LUC7L2: variants seen among roughly 807,000 people sequenced by gnomAD.
The protein encoded by LUC7L2 is LUC7 like 2, pre-mRNA splicing factor, also known as putative RNA-binding protein Luc7-like 2.
In LUC7L2, 25 loss-of-function variants were observed where a neutral mutation model predicts 52.8. That is an observed-to-expected ratio of 0.47 (90% CI 0.34 to 0.66). The LOEUF (loss-of-function observed/expected upper bound fraction) is 0.66, where lower values mean the gene tolerates loss of function less well. Among genes scored for constraint, LUC7L2 ranks in the 30% least tolerant of loss-of-function variants. The pLI, the probability that LUC7L2 is intolerant of heterozygous loss-of-function variation, is 0.01. For missense variants in LUC7L2, 328 were observed against 497.8 expected (o/e 0.66, Z 3.25); for synonymous variants, 144 against 160.9 (o/e 0.89, Z 0.80).
At chr7:139,340,958 C>T (rs947770838) in intron 1 of LUC7L2, among the ~76,000 whole-genome samples, 2 of 152,080 alleles carry the variant, frequency 1.3e-5, no homozygotes, top group Admixed American at 6.6e-5. Flanking sequence ...GGGGAGACGT[C>T]AATACGTTGA....
chr7:139,382,006 T>C (rs1196156813), intron 2 of LUC7L2, among the ~76,000 whole-genome samples: 1 of 148,562 alleles, frequency 6.7e-6, no homozygotes, highest in Non-Finnish European at 1.5e-5. Context: ...TGCCTCAGCC[T>C]CCCGAGCAGC....
At chr7:139,344,749 CTG>C (rs1419909110) in intron 1 of LUC7L2, 1 of 133,670 alleles carries the variant, frequency 7.5e-6, no homozygotes, top group African/African-American at 2.8e-5. Context: ...GTTACCCAGA[CTG>C]GAGTGCAGTG....
At chr7:139,364,684 A>G (rs1800059783) in intron 1 of LUC7L2, among the ~76,000 whole-genome samples, 1 of 152,258 alleles carries the variant, frequency 6.6e-6, no homozygotes, top group South Asian at 2.1e-4. Flanking sequence ...TAAGGTTAGT[A>G]GTACATAACC....
At chr7:139,399,370 A>T (rs1294445958) in intron 3 of LUC7L2, among the ~76,000 whole-genome samples, 1 of 147,262 alleles carries the variant, frequency 6.8e-6, no homozygotes, top group African/African-American at 2.5e-5. Flanking sequence ...ACGTGCATTC[A>T]TGGATTTTGG....
At chr7:139,357,718 G>T (rs1009382229), upstream of LUC7L2, among the ~76,000 whole-genome samples, 1 of 149,446 alleles carries the variant, frequency 6.7e-6, no homozygotes, top group Non-Finnish European at 1.5e-5. Context: ...TTTTGAGATG[G>T]AGTCTCACAC....
chr7:139,343,046 A>T (rs1186697725), intron 1 of LUC7L2, among the ~76,000 whole-genome samples: 1 of 152,164 alleles, frequency 6.6e-6, no homozygotes, highest in African/African-American at 2.4e-5. Flanking sequence ...GTTCTATTTC[A>T]TTTGATCTCT....
chr7:139,409,669 G>A lies in LUC7L2; in HGVS notation c.779+15G>A, dbSNP rs754471383. On this transcript the variant is annotated intron_variant, in intron 7 of 9. Coordinates refer to ENST00000354926, the MANE Select transcript of LUC7L2 (RefSeq NM_016019.5). Reference sequence around the variant, plus strand: ...AAGCTGAGGAGGTATGGAGTAATGGGCCAAGTAATTGAAGTTGAATCTCTG... The same window carrying A: ...AAGCTGAGGAGGTATGGAGTAATGGACCAAGTAATTGAAGTTGAATCTCTG... 2.2e-5 allele frequency: 34 copies of A among 1,579,528 alleles called. No individual in the cohort carries two copies. The highest frequency in any genetic ancestry group is 5.8e-5 in the Admixed American group (3 of 52,146).
Position 139,412,534 on chromosome 7 carries a change from ATATT to A in LUC7L2, c.780-15_780-12del. On this transcript the variant is annotated splice_polypyrimidine_tract_variant and intron_variant, in intron 7 of 9. Coordinates refer to ENST00000354926, the MANE Select transcript of LUC7L2 (RefSeq NM_016019.5). The stretch of plus-strand genomic sequence containing the variant: ...TTTATAGCCACTTTTCTAAAAATAC[ATATT>A]TTTTTTTTTTAGGTCCCGATCACAC... The A allele has an allele frequency of 6.5e-7, 1 of 1,549,522 alleles. No individual in the cohort carries two copies. Among genetic ancestry groups the A allele is most frequent in the South Asian group, 1.2e-5 (1 of 86,160 alleles).
At chr7:139,416,702 A>G (rs1459737158) in intron 8 of LUC7L2, 1 of 152,030 alleles carries the variant, frequency 6.6e-6, no homozygotes, top group African/African-American at 2.4e-5. Flanking sequence ...CCTGGCCCTT[A>G]CTCTGTTTTG....
chr7:139,423,190 G>T lies in LUC7L2; in HGVS notation c.*850G>T, dbSNP rs1011982634. 1.8e-5 allele frequency: 7 copies of T among 398,864 alleles called. No individual in the cohort carries two copies. Among genetic ancestry groups the T allele is most frequent in the African/African-American group, 1.4e-4 (7 of 48,610 alleles). The allele number at this position is 398,864 out of a possible 1,614,324, so 24.7% of individuals were successfully genotyped here. On this transcript the variant is annotated 3_prime_UTR_variant, in exon 10 of 10. Transcript: ENST00000354926. ...TAAACTGTAACTTGTCTAGTAAATTGTCACTAGAACTATTTGCTGTGGGCA... is the reference window on the plus strand; with the variant it reads ...TAAACTGTAACTTGTCTAGTAAATTTTCACTAGAACTATTTGCTGTGGGCA...
At chr7:139,373,700 A>AT (rs35970581) in intron 1 of LUC7L2, among the ~76,000 whole-genome samples, 57,188 of 152,096 alleles carry the variant, frequency 0.38, 15,376 homozygotes, top group African/African-American at 0.77. Context: ...TCAGGGCACA[A>AT]TAACTTAATA....
At chr7:139,412,239 AAAAAACAG>A (rs1795392403) in intron 7 of LUC7L2, among the ~76,000 whole-genome samples, 1 of 150,962 alleles carries the variant, frequency 6.6e-6, no homozygotes, top group African/African-American at 2.5e-5. Flanking sequence ...AAACAAAAAC[AAAAAACAG>A]AAAAAATCCG....
intron 7 of LUC7L2, among the ~76,000 whole-genome samples, chr7:139,410,137 G>T (rs186151341): frequency 6.6e-6 from 1 of 152,026 alleles, no homozygotes; most frequent in East Asian, 1.9e-4. Context: ...AACCTGGGGG[G>T]GCAGAGCCTG....
At chr7:139,392,604 A>G (rs1216731275) in intron 2 of LUC7L2, 1 of 191,816 alleles carries the variant, frequency 5.2e-6, no homozygotes, top group African/African-American at 2.4e-5. Flanking sequence ...TTAGATGTAA[A>G]AATATTAAAA....
At chr7:139,350,218 T>C (rs1238774783) in intron 1 of LUC7L2, among the ~76,000 whole-genome samples, 1 of 151,926 alleles carries the variant, frequency 6.6e-6, no homozygotes, top group East Asian at 1.9e-4. Flanking sequence ...GCCTCCCGGG[T>C]TCACGCCATT....
At chr7:139,410,205 C>CAA (rs530744677) in intron 7 of LUC7L2, among the ~76,000 whole-genome samples, 19 of 129,494 alleles carry the variant, frequency 1.5e-4, no homozygotes, top group Admixed American at 1.0e-3. Context: ...GACTCTGTCT[C>CAA]AAAAAAAAAA....
At chr7:139,402,846 T>C (rs777490291) in intron 4 of LUC7L2, among the ~76,000 whole-genome samples, 6 of 152,172 alleles carry the variant, frequency 3.9e-5, no homozygotes, top group Non-Finnish European at 7.3e-5. Context: ...TTTAATCACA[T>C]GTGTAATTAC....
intron 1 of LUC7L2, among the ~76,000 whole-genome samples, chr7:139,367,470 AATT>A (rs1199480735): frequency 6.6e-6 from 1 of 152,194 alleles, no homozygotes; most frequent in Admixed American, 6.5e-5. Context: ...GAAGTTGTTA[AATT>A]TATTAAACAA....
chr7:139,407,371 T>A, intron 6 of LUC7L2, 21 bp downstream of exon 6: 1 of 1,597,506 alleles, frequency 6.3e-7, no homozygotes, highest in Non-Finnish European at 8.5e-7. Context: ...AAAATATTCC[T>A]CACTTTATCC....
Sources: allele counts gnomAD v4.1 joint callset (sites outside exome capture counted in the v4.1 genomes callset), GRCh38; gene constraint gnomAD v4.1.1; transcripts MANE v1.5; gene names NCBI Gene and HGNC (gene_info 2026-07-23, HGNC 2026-07-21).